CPAP: variants seen among roughly 807,000 people sequenced by gnomAD.
The protein encoded by CPAP is centrosome assembly and centriole elongation protein.
the CPAP span, chr13:24,883,912 T>A: frequency 6.2e-7 from 1 of 1,612,422 alleles, no homozygotes; most frequent in Non-Finnish European, 8.5e-7. Context: ...TGAGCACAGA[T>A]GAACAGGTGT....
the CPAP span, chr13:24,905,605 A>G: frequency 1.2e-6 from 2 of 1,614,198 alleles, no homozygotes; most frequent in Non-Finnish European, 1.7e-6. Context: ...TCCCAAGAAC[A>G]ACATCATGGT....
At chr13:24,884,110 A>G in the CPAP span, 2 of 1,605,588 alleles carry the variant, frequency 1.2e-6, no homozygotes, top group Non-Finnish European at 1.7e-6. Context: ...TACAGTAAAT[A>G]TTTTTTGAAG....
At chr13:24,902,966 T>C in the CPAP span, among the ~76,000 whole-genome samples, 1 of 152,148 alleles carries the variant, frequency 6.6e-6, no homozygotes, top group Non-Finnish European at 1.5e-5. Flanking sequence ...TGACATATAA[T>C]ATCCCCAACA....
chr13:24,914,758 A>G, the CPAP span, among the ~76,000 whole-genome samples: 1 of 151,970 alleles, frequency 6.6e-6, no homozygotes, highest in African/African-American at 2.4e-5. Flanking sequence ...CCTGGGCAAC[A>G]GAACAAAACC....
the CPAP span, chr13:24,910,044 G>T: frequency 6.2e-7 from 1 of 1,613,670 alleles, no homozygotes; most frequent in Non-Finnish European, 8.5e-7. Flanking sequence ...ATTTCCTGGA[G>T]ACCTGTGCTT....
chr13:24,914,023 T>A, the CPAP span, among the ~76,000 whole-genome samples: 1 of 152,102 alleles, frequency 6.6e-6, no homozygotes, highest in Non-Finnish European at 1.5e-5. Context: ...AGTTCATAAA[T>A]CACAGTCTAG....
the CPAP span, among the ~76,000 whole-genome samples, chr13:24,904,802 C>T: frequency 5.9e-5 from 9 of 152,204 alleles, no homozygotes; most frequent in African/African-American, 2.2e-4. Context: ...AGCACCTATG[C>T]TCTGCTAGTT....
the CPAP span, chr13:24,907,229 CATA>C: frequency 6.7e-7 from 1 of 1,502,254 alleles, no homozygotes; most frequent in Non-Finnish European, 9.3e-7. Context: ...ACATGCAAAT[CATA>C]ATGTGTGAAT....
the CPAP span, among the ~76,000 whole-genome samples, chr13:24,915,883 G>A: frequency 6.6e-5 from 10 of 152,172 alleles, no homozygotes; most frequent in African/African-American, 1.9e-4. Flanking sequence ...AAAGTGTTTC[G>A]AGGAGGAAAG....
chr13:24,892,361 G>C, the CPAP span, among the ~76,000 whole-genome samples: 2 of 152,186 alleles, frequency 1.3e-5, no homozygotes, highest in African/African-American at 4.8e-5. Context: ...CATTTTAGTT[G>C]TGGTAAAATA....
At chr13:24,891,423 A>G in the CPAP span, among the ~76,000 whole-genome samples, 1 of 151,780 alleles carries the variant, frequency 6.6e-6, no homozygotes, top group African/African-American at 2.4e-5. Flanking sequence ...AGGCATTTCA[A>G]CTTCCCCTGT....
the CPAP span, among the ~76,000 whole-genome samples, chr13:24,922,280 C>T: frequency 6.6e-6 from 1 of 152,148 alleles, no homozygotes; most frequent in Non-Finnish European, 1.5e-5. Flanking sequence ...ACTCTTAGAC[C>T]GTGAGAAGTA....
At chr13:24,913,132 C>A in the CPAP span, 1 of 929,478 alleles carries the variant, frequency 1.1e-6, no homozygotes, top group Non-Finnish European at 1.7e-6. Flanking sequence ...TAGGTAAAGC[C>A]ATTAGATGTC....
chr13:24,910,592 C>A, the CPAP span, among the ~76,000 whole-genome samples: 1 of 152,190 alleles, frequency 6.6e-6, no homozygotes, highest in African/African-American at 2.4e-5. Context: ...CTTTGGGGCT[C>A]TCAAATATTT....
the CPAP span, among the ~76,000 whole-genome samples, chr13:24,898,385 C>T: frequency 1.3e-5 from 2 of 151,988 alleles, no homozygotes; most frequent in Non-Finnish European, 2.9e-5. Flanking sequence ...TCTGTTCTTG[C>T]TACTTTTATG....
At chr13:24,883,054 TTTTA>T in the CPAP span, 11 of 897,048 alleles carry the variant, frequency 1.2e-5, no homozygotes, top group East Asian at 2.2e-4. Context: ...CAGGGTAAAC[TTTTA>T]TTTTAGAATC....
chr13:24,911,212 T>G, the CPAP span, among the ~76,000 whole-genome samples: 1 of 152,216 alleles, frequency 6.6e-6, no homozygotes, highest in East Asian at 1.9e-4. Context: ...TAAGGACTGA[T>G]GACATGAAAT....
chr13:24,904,475 A>G, the CPAP span, among the ~76,000 whole-genome samples: 1 of 152,222 alleles, frequency 6.6e-6, no homozygotes, highest in African/African-American at 2.4e-5. Flanking sequence ...CAAATTTGCT[A>G]TTTAAAATGT....
chr13:24,882,658 A>ATATT, the CPAP span: 1 of 156,822 alleles, frequency 6.4e-6, no homozygotes, highest in Middle Eastern at 3.4e-3. Flanking sequence ...TGACCTATTT[A>ATATT]TATTCATCCA....
Sources: allele counts gnomAD v4.1 joint callset (sites outside exome capture counted in the v4.1 genomes callset), GRCh38; gene constraint gnomAD v4.1.1; transcripts MANE v1.5; gene names NCBI Gene and HGNC (gene_info 2026-07-23, HGNC 2026-07-21).